Variants in IPO11 observed in about 807,000 individuals in gnomAD.
IPO11 encodes importin-11.
Under a neutral mutation model 143.2 loss-of-function variants are expected in IPO11, and 66 were observed. The ratio of observed to expected loss-of-function variants is 0.46; its 90% CI spans 0.38 to 0.57. The LOEUF is 0.57. IPO11 is among the 20% of genes least tolerant of loss of function. The probability of loss-of-function intolerance (pLI) is 0.00; values close to 1 mark genes in which losing one functional copy is unlikely to be tolerated. For missense variants in IPO11, 1,026 were observed against 1,141.0 expected, an observed-to-expected ratio of 0.90 and a Z score of 1.45; for synonymous variants, 385 against 377.8, an observed-to-expected ratio of 1.02 and a Z score of -0.22.
intron 16 of IPO11, among the ~76,000 whole-genome samples, chr5:62,500,149 G>A (rs1173145727): frequency 6.6e-6 from 1 of 152,160 alleles, no homozygotes; most frequent in Non-Finnish European, 1.5e-5. Context: ...GCCAGACATG[G>A]TGGCATGTGC....
intron 5 of IPO11, among the ~76,000 whole-genome samples, chr5:62,465,431 C>A (rs1343619888): frequency 6.6e-6 from 1 of 152,126 alleles, no homozygotes; most frequent in African/African-American, 2.4e-5. Context: ...TGAAATAAAG[C>A]TTTTTTCCCA....
At chr5:62,509,489 A>G (rs568696088) in intron 19 of IPO11, among the ~76,000 whole-genome samples, 5 of 152,304 alleles carry the variant, frequency 3.3e-5, no homozygotes, top group African/African-American at 1.2e-4. Context: ...CCACACCTCA[A>G]ATTCTTTGGT....
In IPO11 at chr5:62,489,240, A is replaced by AT; in HGVS notation, c.1310-56dup. On this transcript the variant is annotated intron_variant, in intron 13 of 29. Transcript: ENST00000325324. ...ACTAACAAATTGTGTTTAAATATAAATTTTTTAAAAAACTAGTTTTATTTG... is the reference window on the plus strand; with the variant it reads ...ACTAACAAATTGTGTTTAAATATAAATTTTTTTAAAAAACTAGTTTTATTTG... 3 of 966,672 alleles carry AT rather than the reference A, an allele frequency of 3.1e-6. No homozygotes were observed. In the East Asian group the frequency reaches 8.3e-5, roughly 27 times the overall value. 59.9% of individuals were successfully genotyped at this position (966,672 alleles called of 1,614,324 possible).
At chr5:62,539,990 T>C (rs1236551015) in intron 24 of IPO11, among the ~76,000 whole-genome samples, 3 of 152,176 alleles carry the variant, frequency 2.0e-5, no homozygotes. Context: ...CATTTTGATA[T>C]TATTGTCTTT....
intron 1 of IPO11, among the ~76,000 whole-genome samples, chr5:62,420,939 A>T (rs936975014): frequency 1.3e-5 from 2 of 152,182 alleles, no homozygotes; most frequent in Non-Finnish European, 2.9e-5. Flanking sequence ...ACTCAATTTC[A>T]TTAGAGACAG....
chr5:62,594,391 AT>A (rs1745139236), intron 28 of IPO11, among the ~76,000 whole-genome samples: 1 of 152,152 alleles, frequency 6.6e-6, no homozygotes. Context: ...AGTTCTTTGT[AT>A]TTCACAAAGG....
intron 5 of IPO11, among the ~76,000 whole-genome samples, chr5:62,458,542 C>T (rs1408427932): frequency 1.3e-5 from 2 of 152,204 alleles, no homozygotes; most frequent in Non-Finnish European, 2.9e-5. Context: ...CTCAAATGAT[C>T]TGCCCGCCTT....
rs370829376 is a variant in IPO11, at chr5:62,451,948, A to G, written c.516+15A>G. On this transcript the variant is annotated intron_variant, in intron 5 of 29. Coordinates refer to ENST00000325324, the MANE Select transcript of IPO11 (RefSeq NM_016338.5). ...TATTTTATGATGTAAGTGATTTCAC[A>G]TAGTTAAATTTGATTATGAAAATTG... 7.5e-6 allele frequency: 12 copies of G among 1,597,494 alleles called. No individual in the cohort carries two copies. The highest frequency in any genetic ancestry group is 1.0e-5 in the Non-Finnish European group (12 of 1,164,900).
chr5:62,529,396 A>G (rs1053181373), intron 21 of IPO11, among the ~76,000 whole-genome samples: 2 of 152,134 alleles, frequency 1.3e-5, no homozygotes, highest in Non-Finnish European at 2.9e-5. Context: ...TTTAAAAGAA[A>G]CTTGATTTCC....
At chr5:62,417,059 T>C (rs1240565642) in intron 1 of IPO11, among the ~76,000 whole-genome samples, 2 of 151,988 alleles carry the variant, frequency 1.3e-5, no homozygotes, top group African/African-American at 4.8e-5. Flanking sequence ...ATCTGAAATA[T>C]ACGCTCCTTA....
At chr5:62,468,758 C>T (rs548956596) in intron 6 of IPO11, among the ~76,000 whole-genome samples, 19 of 152,250 alleles carry the variant, frequency 1.2e-4, no homozygotes, top group African/African-American at 4.1e-4. Context: ...CTTTTTAATA[C>T]CTCACCATCT....
chr5:62,583,598 T>C (rs1381211214), intron 27 of IPO11, among the ~76,000 whole-genome samples: 1 of 152,164 alleles, frequency 6.6e-6, no homozygotes, highest in Non-Finnish European at 1.5e-5. Context: ...CTATTTCCTT[T>C]TAAAAAATTT....
At chr5:62,611,678 C>T (rs1028413186) in intron 29 of IPO11, among the ~76,000 whole-genome samples, 9 of 152,268 alleles carry the variant, frequency 5.9e-5, no homozygotes, top group Non-Finnish European at 1.0e-4. Context: ...CACTTGGAAA[C>T]GTTGGCAACA....
At chr5:62,540,544 T>C (rs1205512616) in intron 24 of IPO11, among the ~76,000 whole-genome samples, 1 of 152,198 alleles carries the variant, frequency 6.6e-6, no homozygotes, top group African/African-American at 2.4e-5. Context: ...TTCTACTTGT[T>C]TTTAATTATA....
intron 27 of IPO11, among the ~76,000 whole-genome samples, chr5:62,562,607 A>C (rs754734792): frequency 8.5e-5 from 13 of 152,182 alleles, no homozygotes; most frequent in Non-Finnish European, 1.6e-4. Flanking sequence ...ACTTCCTGCT[A>C]TGCAGCTTGG....
At position 62,490,204 on chromosome 5, in the gene IPO11, C is replaced by G. The variant is rs1746554174; in HGVS notation, c.1447C>G (p.Gln483Glu). 1 of 1,598,158 alleles carries G rather than the reference C, an allele frequency of 6.3e-7. No individual in the cohort carries two copies. The highest frequency in any genetic ancestry group is 1.7e-5 in the Admixed American group (1 of 58,304). Reference protein sequence around the residue: ...WFKNQLLPELQVIHNRYKPLR... With the variant: ...WFKNQLLPELEVIHNRYKPLR... ...TAAAAACCAGCTTCTTCCAGAATTA[C>G]AAGTCATTCACAATAGGCAAGTATA... is the stretch of plus-strand genomic sequence containing the variant. The change falls in exon 15 of 30, where the codon CAA becomes GAA. Residue 483 changes from glutamine to glutamate, a missense_variant. Gln to Glu is a conservative substitution (Grantham distance 29). Transcript: ENST00000325324.
chr5:62,579,088 A>G (rs1580345743), intron 27 of IPO11, among the ~76,000 whole-genome samples: 1 of 152,116 alleles, frequency 6.6e-6, no homozygotes, highest in African/African-American at 2.4e-5. Context: ...TTAAAGGGAC[A>G]TATTAAATTC....
chr5:62,469,209 A>G (rs752598848), intron 6 of IPO11, among the ~76,000 whole-genome samples: 17 of 152,190 alleles, frequency 1.1e-4, no homozygotes, highest in Non-Finnish European at 5.9e-5. Flanking sequence ...GTGGTGAGAA[A>G]GCATATCCAG....
At chr5:62,530,808 A>C in intron 22 of IPO11, 23 bp downstream of exon 22, 4 of 1,560,418 alleles carry the variant, frequency 2.6e-6, no homozygotes, top group Non-Finnish European at 3.5e-6. Context: ...GCATAAACTT[A>C]CTAATGTTTT....
Sources: allele counts gnomAD v4.1 joint callset (sites outside exome capture counted in the v4.1 genomes callset), GRCh38; gene constraint gnomAD v4.1.1; transcripts MANE v1.5; gene names NCBI Gene and HGNC (gene_info 2026-07-23, HGNC 2026-07-21).